Variants in PCSK2 observed in about 807,000 individuals in gnomAD.
PCSK2 encodes proprotein convertase subtilisin/kexin type 2, also known as neuroendocrine convertase 2.
Under a neutral mutation model 69.7 loss-of-function variants are expected in PCSK2, and 14 were observed. The ratio of observed to expected loss-of-function variants is 0.20; its 90% CI spans 0.13 to 0.31. The LOEUF is 0.31. Ranked by LOEUF, PCSK2 falls within the 10% of genes least tolerant of loss-of-function variation. PCSK2 has a pLI of 1.00. For synonymous variants in PCSK2, 307 were observed against 320.7 expected (o/e 0.96, Z 0.46); for missense variants, 544 against 842.5 (o/e 0.65, Z 4.39).
chr20:17,362,277 C>A (rs1191581714), intron 4 of PCSK2, among the ~76,000 whole-genome samples: 1 of 152,230 alleles, frequency 6.6e-6, no homozygotes, highest in East Asian at 1.9e-4. Flanking sequence ...TGGGTTCCCA[C>A]AAAAGTAAAC....
intron 2 of PCSK2, among the ~76,000 whole-genome samples, chr20:17,326,474 T>C (rs80193407): frequency 6.6e-6 from 1 of 152,176 alleles, no homozygotes; most frequent in Non-Finnish European, 1.5e-5. Flanking sequence ...GAATAACATA[T>C]GGGCTTTAAT....
intron 5 of PCSK2, among the ~76,000 whole-genome samples, chr20:17,374,916 G>T (rs943821691): frequency 6.6e-6 from 1 of 152,172 alleles, no homozygotes; most frequent in Non-Finnish European, 1.5e-5. Context: ...AGCTTGCAAG[G>T]GTAGGGTTCT....
Position 17,358,412 on chromosome 20 carries a change from A to T in PCSK2, c.368A>T (p.Asp123Val). The T allele has an allele frequency of 6.2e-7, 1 of 1,607,556 alleles. No homozygotes were observed. The highest frequency in any genetic ancestry group is 8.5e-7 in the Non-Finnish European group (1 of 1,174,052). The change falls in exon 3 of 12, where the codon GAT becomes GTT. Residue 123 changes from aspartate (D) to valine (V), a missense_variant. Around this residue, in one of 3 missense-constraint regions of PCSK2, gnomAD observed 157 missense variants for 155.0 expected, o/e 1.01. Transcript: ENST00000262545. Reference protein sequence around the residue: ...DINEIDINMNDPLFTKQWYLI... With the variant: ...DINEIDINMNVPLFTKQWYLI... Reference sequence around the variant, plus strand: ...AATGAGATCGACATCAACATGAACGATCCTCTTTTTACAAAGCAGTGGTAT... The same window carrying T: ...AATGAGATCGACATCAACATGAACGTTCCTCTTTTTACAAAGCAGTGGTAT...
chr20:17,277,880 A>G (rs1259781290), intron 2 of PCSK2, among the ~76,000 whole-genome samples: 1 of 152,018 alleles, frequency 6.6e-6, no homozygotes, highest in Non-Finnish European at 1.5e-5. Flanking sequence ...CAAGAAAAAA[A>G]CAAACAACCC....
At chr20:17,287,431 C>CTGTCTGTGTGTGTG (rs373403452) in intron 2 of PCSK2, among the ~76,000 whole-genome samples, 42 of 146,030 alleles carry the variant, frequency 2.9e-4, no homozygotes, top group African/African-American at 8.9e-4. Flanking sequence ...ATGTGCGTGT[C>CTGTCTGTGTGTGTG]TGTGTGTGTG....
At chr20:17,383,950 A>G (rs1444547034) in intron 5 of PCSK2, among the ~76,000 whole-genome samples, 2 of 152,238 alleles carry the variant, frequency 1.3e-5, no homozygotes, top group Admixed American at 1.3e-4. Context: ...ATGCAAATGA[A>G]TCTTATCATT....
chr20:17,378,285 A>T (rs540960334), intron 5 of PCSK2, among the ~76,000 whole-genome samples: 47 of 140,666 alleles, frequency 3.3e-4, no homozygotes, highest in African/African-American at 1.1e-3. Context: ...TCGATACAGC[A>T]TATGAATTCA....
At chr20:17,402,922 A>G (rs1013008240) in intron 5 of PCSK2, among the ~76,000 whole-genome samples, 2 of 152,018 alleles carry the variant, frequency 1.3e-5, no homozygotes, top group Admixed American at 6.5e-5. Context: ...ACGCCACTGC[A>G]CTCCAGCCTG....
At chr20:17,398,703 C>A (rs1031247153) in intron 5 of PCSK2, among the ~76,000 whole-genome samples, 3 of 151,488 alleles carry the variant, frequency 2.0e-5, no homozygotes, top group African/African-American at 7.3e-5. Flanking sequence ...GGTTCTCAAC[C>A]TGGACTATAC....
intron 2 of PCSK2, among the ~76,000 whole-genome samples, chr20:17,336,579 T>C (rs945932311): frequency 2.6e-5 from 4 of 152,358 alleles, no homozygotes; most frequent in Non-Finnish European, 5.9e-5. Flanking sequence ...AAATAGATGA[T>C]GTGAGGAGCA....
At chr20:17,339,831 G>A (rs900362488) in intron 2 of PCSK2, among the ~76,000 whole-genome samples, 5 of 152,172 alleles carry the variant, frequency 3.3e-5, no homozygotes, top group African/African-American at 1.2e-4. Context: ...GAGTAGAGTG[G>A]CCTCCTAACT....
intron 2 of PCSK2, among the ~76,000 whole-genome samples, chr20:17,318,566 G>C (rs957860766): frequency 6.6e-6 from 1 of 152,166 alleles, no homozygotes; most frequent in Non-Finnish European, 1.5e-5. Context: ...AGTTGTTTTG[G>C]TCTGTTTTAT....
At chr20:17,337,785 C>T (rs2328173) in intron 2 of PCSK2, among the ~76,000 whole-genome samples, 8,157 of 151,778 alleles carry the variant, frequency 0.054, 451 homozygotes, top group South Asian at 0.25. Flanking sequence ...TTTAATTAGC[C>T]AGGTATGGTG....
chr20:17,353,957 T>C (rs1351807478), intron 2 of PCSK2, among the ~76,000 whole-genome samples: 1 of 152,076 alleles, frequency 6.6e-6, no homozygotes, highest in Non-Finnish European at 1.5e-5. Context: ...TAGGTACACA[T>C]GGGCATAAAG....
chr20:17,432,987 G>T (rs1174211447), intron 7 of PCSK2, among the ~76,000 whole-genome samples: 1 of 152,162 alleles, frequency 6.6e-6, no homozygotes, highest in Non-Finnish European at 1.5e-5. Context: ...GGCGCCTGAG[G>T]GTGGGGCTCT....
chr20:17,455,362 C>A (rs573221163), intron 9 of PCSK2, among the ~76,000 whole-genome samples: 2 of 152,300 alleles, frequency 1.3e-5, no homozygotes, highest in South Asian at 4.1e-4. Flanking sequence ...CACCCTGGCT[C>A]TCACAAACAT....
At chr20:17,280,485 C>T (rs1988268299) in intron 2 of PCSK2, among the ~76,000 whole-genome samples, 1 of 152,070 alleles carries the variant, frequency 6.6e-6, no homozygotes, top group Non-Finnish European at 1.5e-5. Context: ...AGACACAGGC[C>T]CTTGTGTTTT....
rs140848641 is a variant in PCSK2 at position 17,280,002 on chromosome 20, A to C, written c.282+19658A>C. ...ACAAATGTAGAAGACAAAAAAAAAA[A>C]ACACACTTGTTCCAAATCAAGCTTA... On this transcript the variant is annotated intron_variant, in intron 2 of 11. Coordinates refer to ENST00000262545, the MANE Select transcript of PCSK2 (RefSeq NM_002594.5). Among the ~76,000 whole-genome samples the C allele has an allele frequency of 4.8e-3, 731 of 152,110 alleles. 3 individuals are homozygous for C. The highest frequency in any genetic ancestry group is 0.011 in the African/African-American group (437 of 41,520).
chr20:17,273,172 T>C (rs1465826970), intron 2 of PCSK2, among the ~76,000 whole-genome samples: 1 of 152,154 alleles, frequency 6.6e-6, no homozygotes, highest in Non-Finnish European at 1.5e-5. Context: ...TAAGTCAAGA[T>C]ATCTCAGACA....
Sources: allele counts gnomAD v4.1 joint callset (sites outside exome capture counted in the v4.1 genomes callset), GRCh38; gene constraint gnomAD v4.1.1; regional missense constraint gnomAD v4.1.1; transcripts MANE v1.5; gene names NCBI Gene and HGNC (gene_info 2026-07-23, HGNC 2026-07-21).